The following SPRING1 variants were observed in gnomAD, a reference collection of about 807,000 sequenced individuals.
SPRING1 encodes the protein SREBP regulating gene protein.
A neutral mutation model predicts 24.7 loss-of-function variants in SPRING1; 14 were observed. The observed-to-expected ratio is 0.57, with a 90% CI of 0.37 to 0.88. The LOEUF (loss-of-function observed/expected upper bound fraction) is 0.88. Among genes scored for constraint, SPRING1 ranks in the 40% least tolerant of loss-of-function variants. The probability of loss-of-function intolerance (pLI) is 0.00; values close to 1 mark genes in which losing one functional copy is unlikely to be tolerated. For missense variants in SPRING1, 255 were observed against 268.4 expected (o/e 0.95, Z 0.35); for synonymous variants, 93 against 106.1 (o/e 0.88, Z 0.76).
Position 116,728,687 on chromosome 12 carries a change from T to C in SPRING1, c.112-5464A>G, listed in dbSNP as rs1434973687. 6.6e-6 allele frequency among the ~76,000 whole-genome samples: 1 copy of C among 152,170 alleles called. No homozygotes were observed. The highest frequency in any genetic ancestry group is 1.5e-5 in the Non-Finnish European group (1 of 68,030). ...GGGGAGCTTCACAGTGTTCATAGCGTCTTCTCCATCAACGGTACACACCCT... is the reference window on the plus strand; with the variant it reads ...GGGGAGCTTCACAGTGTTCATAGCGCCTTCTCCATCAACGGTACACACCCT... On this transcript the variant is annotated intron_variant, in intron 1 of 4. Transcript: ENST00000261318. This position sits in a 1 kb window ranked among gnomAD's most constrained non-coding sequence, Gnocchi z 4.2.
Position 116,720,471 on chromosome 12 carries a change from G to C in SPRING1, c.269-24C>G. The C allele has an allele frequency of 1.1e-5, 18 of 1,611,658 alleles. No individual in the cohort carries two copies. Among genetic ancestry groups the C allele is most frequent in the Non-Finnish European group, 1.5e-5 (18 of 1,178,892 alleles). Reference sequence around the variant, plus strand: ...GCCTGAAAGTCAGAGACCAACCTTAGCATAAAACCAGCAGCCTTGCCACCT... The same window carrying C: ...GCCTGAAAGTCAGAGACCAACCTTACCATAAAACCAGCAGCCTTGCCACCT... On this transcript the variant is annotated intron_variant, in intron 2 of 4. Transcript: ENST00000261318. This position sits in a 1 kb window ranked among gnomAD's most constrained non-coding sequence, Gnocchi z 4.0.
rs1160270199 is a variant in SPRING1 at position 116,737,884 on chromosome 12, G to A, written c.17C>T (p.Ala6Val). MVNLA[A>V]MVWRRLLRKR... ...CCGCAGAAGCCGGCGCCACACCATG[G>A]CCGCCAGGTTCACCATCCCGGCGCG... Residue 6 changes from alanine to valine, a missense_variant, in exon 1 of 5, where the codon GCC (alanine) becomes GTC (valine). By Grantham distance (64) the Ala-to-Val change is moderately conservative. Coordinates refer to ENST00000261318, the MANE Select transcript of SPRING1 (RefSeq NM_024738.4). The A allele has an allele frequency of 1.9e-6, 3 of 1,564,974 alleles. No individual in the cohort carries two copies. Among genetic ancestry groups the A allele is most frequent in the South Asian group, 1.1e-5 (1 of 87,436 alleles).
chr12:116,734,264 A>C (rs1871125753), intron 1 of SPRING1, among the ~76,000 whole-genome samples: 1 of 152,210 alleles, frequency 6.6e-6, no homozygotes, highest in African/African-American at 2.4e-5. Flanking sequence ...ATCGTGTTGC[A>C]ATCACCTACA....
Position 116,715,491 on chromosome 12 carries a change from T to C in SPRING1, c.*2319A>G, listed in dbSNP as rs1458191677. 6.6e-6 allele frequency: 1 copy of C among 152,146 alleles called. No individual in the cohort carries two copies. Among genetic ancestry groups the C allele is most frequent in the Non-Finnish European group, 1.5e-5 (1 of 68,040 alleles). 9.4% of individuals were successfully genotyped at this position (152,146 alleles called of 1,614,324 possible). On this transcript the variant is annotated 3_prime_UTR_variant, in exon 5 of 5. Coordinates refer to ENST00000261318, the MANE Select transcript of SPRING1 (RefSeq NM_024738.4). Reference sequence around the variant, plus strand: ...TATGGAGGCTCAAGCGCTGTGAATTTCCAAAAACAGTGAACACACCCCTAG... The same window carrying C: ...TATGGAGGCTCAAGCGCTGTGAATTCCCAAAAACAGTGAACACACCCCTAG...
In SPRING1 at chr12:116,717,676, G is replaced by A. The variant is rs1234926589; in HGVS notation, c.*134C>T. The A allele has an allele frequency of 6.5e-6, 5 of 769,490 alleles. No individual in the cohort carries two copies. The highest frequency in any genetic ancestry group is 1.0e-5 in the Non-Finnish European group (5 of 493,490). 47.7% of individuals were successfully genotyped at this position (769,490 alleles called of 1,614,324 possible). On this transcript the variant is annotated 3_prime_UTR_variant, in exon 5 of 5. Coordinates refer to ENST00000261318, the MANE Select transcript of SPRING1 (RefSeq NM_024738.4). This position sits in a 1 kb window ranked among gnomAD's most constrained non-coding sequence, Gnocchi z 4.2. Reference sequence around the variant, plus strand: ...GCCAAAGATGACAACACGAGAAGGGGTCAAAGCCAAGGTTTCCTCACGCTG... The same window carrying A: ...GCCAAAGATGACAACACGAGAAGGGATCAAAGCCAAGGTTTCCTCACGCTG...
At chr12:116,734,065 T>C (rs1355949343) in intron 1 of SPRING1, among the ~76,000 whole-genome samples, 2 of 152,096 alleles carry the variant, frequency 1.3e-5, no homozygotes, top group East Asian at 1.9e-4. Flanking sequence ...TTAGTAGAGA[T>C]GGGGTTTTGC....
chr12:116,718,772 G>A (rs529589593), intron 4 of SPRING1, among the ~76,000 whole-genome samples: 6 of 152,338 alleles, frequency 3.9e-5, no homozygotes, highest in Admixed American at 1.3e-4. Flanking sequence ...GAATCAAAAT[G>A]AGTCATGTGT....
Position 116,717,997 on chromosome 12 carries a change from C to G in SPRING1, c.535-104G>C. ...GATCGGGACTGTCAGACTCTCCCTG[C>G]AGGGGGCTGGCCGAGTCCATCTCCA... On this transcript the variant is annotated intron_variant, in intron 4 of 4. Transcript: ENST00000261318. The surrounding 1 kb of genome is among the most constrained non-coding windows in gnomAD (Gnocchi z 4.2). 6 of 977,192 alleles carry G rather than the reference C, an allele frequency of 6.1e-6. No individual in the cohort carries two copies. The highest frequency in any genetic ancestry group is 8.6e-6 in the Non-Finnish European group (6 of 697,772). The allele number at this position is 977,192 out of a possible 1,614,324, so 60.5% of individuals were successfully genotyped here. A position where few individuals can be genotyped will look rare whatever the true frequency, so the allele number is the denominator to read the frequency against.
rs531874246 is a variant in SPRING1 at position 116,733,965 on chromosome 12, C to G, written c.111+3825G>C. Among the ~76,000 whole-genome samples the G allele has an allele frequency of 9.2e-5, 14 of 152,342 alleles. No individual in the cohort carries two copies. In the East Asian group the frequency reaches 2.7e-3, roughly 29 times the overall value. On this transcript the variant is annotated intron_variant, in intron 1 of 4. Transcript: ENST00000261318. ...GATCTCGGCTCACTGCAACCTCCAC[C>G]TCCCAGGTTCAAGCGACTCTCCTGC...
intron 1 of SPRING1, 148 bp downstream of exon 1, chr12:116,737,642 A>C: frequency 1.1e-6 from 1 of 870,180 alleles, no homozygotes; most frequent in Non-Finnish European, 1.6e-6. Context: ...GAAGGAAGGG[A>C]AGGGGAGAAA....
intron 1 of SPRING1, 128 bp from the exon 2 acceptor site, chr12:116,723,351 CCT>C (rs1365298427): frequency 1.1e-5 from 12 of 1,120,364 alleles, no homozygotes; most frequent in Non-Finnish European, 2.5e-6. Context: ...CAGAATCTGC[CCT>C]CTCCTGGTAC....
At position 116,714,150 on chromosome 12, in the gene SPRING1, A is replaced by C. The variant is rs964686740; in HGVS notation, c.*3660T>G. On this transcript the variant is annotated 3_prime_UTR_variant, in exon 5 of 5. Coordinates refer to ENST00000261318, the MANE Select transcript of SPRING1 (RefSeq NM_024738.4). ...GGCAGATGCTGTGACCCCATTTCAC[A>C]GATGAAGGGCCTGAGCCACAGAGGA... 2.0e-5 allele frequency: 3 copies of C among 152,214 alleles called. No homozygotes were observed. Among genetic ancestry groups the C allele is most frequent in the Non-Finnish European group, 2.9e-5 (2 of 68,034 alleles). 9.4% of individuals were successfully genotyped at this position (152,214 alleles called of 1,614,324 possible). A position where few individuals can be genotyped will look rare whatever the true frequency, so the allele number is the denominator to read the frequency against.
rs1034247237 is a variant in SPRING1, at chr12:116,710,497, A to C, written c.*7313T>G. Reference sequence around the variant, plus strand: ...ACCTAAATAATTGAGCACTGCATTAAGGCTCAGAAACGTAGTACCGTTGTG... The same window carrying C: ...ACCTAAATAATTGAGCACTGCATTACGGCTCAGAAACGTAGTACCGTTGTG... On this transcript the variant is annotated 3_prime_UTR_variant, in exon 5 of 5. Transcript: ENST00000261318. 2.0e-5 allele frequency: 3 copies of C among 152,244 alleles called. No individual in the cohort carries two copies. The highest frequency in any genetic ancestry group is 2.9e-5 in the Non-Finnish European group (2 of 68,040). The allele number at this position is 152,244 out of a possible 1,614,324, so 9.4% of individuals were successfully genotyped here. A position where few individuals can be genotyped will look rare whatever the true frequency, so the allele number is the denominator to read the frequency against.
In SPRING1 at chr12:116,713,733, T is replaced by C. The variant is rs1027929469; in HGVS notation, c.*4077A>G. 7 of 152,186 alleles carry C rather than the reference T, an allele frequency of 4.6e-5. No homozygotes were observed. The highest frequency in any genetic ancestry group is 9.7e-5 in the African/African-American group (4 of 41,434). The allele number at this position is 152,186 out of a possible 1,614,324, so 9.4% of individuals were successfully genotyped here. On this transcript the variant is annotated 3_prime_UTR_variant, in exon 5 of 5. Transcript: ENST00000261318. The stretch of plus-strand genomic sequence containing the variant: ...TTGTATATTCATGAAATTGACACCA[T>C]GTGGCCACACAAATGCATTACACAG...
rs982715495 is a variant in SPRING1, at chr12:116,710,293, A to G, written c.*7517T>C. 2 of 152,224 alleles carry G rather than the reference A, an allele frequency of 1.3e-5. No individual in the cohort carries two copies. The highest frequency in any genetic ancestry group is 4.8e-5 in the African/African-American group (2 of 41,460). The allele number at this position is 152,224 out of a possible 1,614,324, so 9.4% of individuals were successfully genotyped here. The stretch of plus-strand genomic sequence containing the variant: ...GGAACTTTAATTAGTGGTTATCTCT[A>G]GGGGCTGGGAATCTAATTTGGCACA... On this transcript the variant is annotated 3_prime_UTR_variant, in exon 5 of 5. Transcript: ENST00000261318.
intron 1 of SPRING1, among the ~76,000 whole-genome samples, chr12:116,730,090 C>A (rs1870901852): frequency 6.6e-6 from 1 of 151,856 alleles, no homozygotes; most frequent in African/African-American, 2.4e-5. Flanking sequence ...TTAGTAGAGA[C>A]AGGGTTTCAC....
chr12:116,720,249 G>C lies in SPRING1; in HGVS notation c.420+47C>G. On this transcript the variant is annotated intron_variant, in intron 3 of 4. Transcript: ENST00000261318. This position sits in a 1 kb window ranked among gnomAD's most constrained non-coding sequence, Gnocchi z 4.0. ...AGCCTAATGCTCATCATAAAACAGA[G>C]GCCGAAAGAAAAAAGGAGCCGCAGA... 2 of 1,554,504 alleles carry C rather than the reference G, an allele frequency of 1.3e-6. No homozygotes were observed. Among genetic ancestry groups the C allele is most frequent in the Non-Finnish European group, 1.7e-6 (2 of 1,155,860 alleles).
At position 116,720,702 on chromosome 12, in the gene SPRING1, C is replaced by T. The variant is rs749493107; in HGVS notation, c.269-255G>A. Among the ~76,000 whole-genome samples, 5 of 152,182 alleles carry T rather than the reference C, an allele frequency of 3.3e-5. No homozygotes were observed. The highest frequency in any genetic ancestry group is 7.3e-5 in the Non-Finnish European group (5 of 68,028). On this transcript the variant is annotated intron_variant, in intron 2 of 4. Coordinates refer to ENST00000261318, the MANE Select transcript of SPRING1 (RefSeq NM_024738.4). This position sits in a 1 kb window ranked among gnomAD's most constrained non-coding sequence, Gnocchi z 4.0. Reference sequence around the variant, plus strand: ...AACCTACCTACACCTACTGTTTAGTCGGCTGGCACATGTCTGATTTCATCA... The same window carrying T: ...AACCTACCTACACCTACTGTTTAGTTGGCTGGCACATGTCTGATTTCATCA...
In SPRING1 at chr12:116,717,120, T is replaced by C. The variant is rs1870175964; in HGVS notation, c.*690A>G. On this transcript the variant is annotated 3_prime_UTR_variant, in exon 5 of 5. Coordinates refer to ENST00000261318, the MANE Select transcript of SPRING1 (RefSeq NM_024738.4). This position sits in a 1 kb window ranked among gnomAD's most constrained non-coding sequence, Gnocchi z 4.2. ...TGCCCACTGTTAGAAATCGTGCAGTTAGATTAGAATGGAAGAGTGTCTGAG... is the reference window on the plus strand; with the variant it reads ...TGCCCACTGTTAGAAATCGTGCAGTCAGATTAGAATGGAAGAGTGTCTGAG... 1 of 152,202 alleles carries C rather than the reference T, an allele frequency of 6.6e-6. No homozygotes were observed. The highest frequency in any genetic ancestry group is 2.4e-5 in the African/African-American group (1 of 41,444). 9.4% of individuals were successfully genotyped at this position (152,202 alleles called of 1,614,324 possible).
Sources: gnomAD v4.1 joint callset for allele counts (sites outside exome capture counted in the v4.1 genomes callset) on GRCh38, gnomAD v4.1.1 for gene constraint, Gnocchi (gnomAD v3.1) non-coding constraint, MANE v1.5 for transcripts, NCBI Gene and HGNC (gene_info 2026-07-23, HGNC 2026-07-21) for gene names.